COPS2: variants seen among roughly 807,000 people sequenced by gnomAD.
COPS2 encodes COP9 signalosome subunit 2, also known as COP9 signalosome complex subunit 2.
In COPS2, 10 loss-of-function variants were observed where a neutral mutation model predicts 66.1. That is an observed-to-expected ratio of 0.15 (90% CI 0.09 to 0.26). The LOEUF is 0.26. Among genes scored for constraint, COPS2 ranks in the 10% least tolerant of loss-of-function variants. The probability of loss-of-function intolerance (pLI) is 1.00; values close to 1 mark genes in which losing one functional copy is unlikely to be tolerated. For synonymous variants in COPS2, 179 were observed against 171.3 expected, an observed-to-expected ratio of 1.04 and a Z score of -0.35; for missense variants, 215 against 513.3, an observed-to-expected ratio of 0.42 and a Z score of 5.62.
At chr15:49,152,724 G>A (rs2084371425) in intron 1 of COPS2, among the ~76,000 whole-genome samples, 3 of 152,112 alleles carry the variant, frequency 2.0e-5, no homozygotes, top group Non-Finnish European at 4.4e-5. Context: ...TAAGGAGGCT[G>A]AGGCAGGAGA....
rs1276890936 is a variant in COPS2 at position 49,123,835 on chromosome 15, C to A, written c.*4115G>T. 6.6e-6 allele frequency: 1 copy of A among 152,108 alleles called. No individual in the cohort carries two copies. Among genetic ancestry groups the A allele is most frequent in the African/African-American group, 2.4e-5 (1 of 41,410 alleles). The allele number at this position is 152,108 out of a possible 1,614,324, so 9.4% of individuals were successfully genotyped here. On this transcript the variant is annotated 3_prime_UTR_variant, in exon 13 of 13. Coordinates refer to ENST00000388901, the MANE Select transcript of COPS2 (RefSeq NM_004236.4). ...CACACTGGTTTCTTCTGAGACATTA[C>A]CTAAGACGAATCTCCTTAAAATTCA... is the stretch of plus-strand genomic sequence containing the variant.
chr15:49,143,684 A>G (rs181844338), intron 3 of COPS2, among the ~76,000 whole-genome samples: 1 of 152,344 alleles, frequency 6.6e-6, no homozygotes, highest in African/African-American at 2.4e-5. Flanking sequence ...GGAAAAGTCA[A>G]TCTATTAATA....
At position 49,139,508 on chromosome 15, in the gene COPS2, AG is replaced by A; in HGVS notation, c.372+19del. The A allele has an allele frequency of 6.4e-7, 1 of 1,572,056 alleles. No homozygotes were observed. Among genetic ancestry groups the A allele is most frequent in the Non-Finnish European group, 8.7e-7 (1 of 1,145,592 alleles). On this transcript the variant is annotated intron_variant, in intron 4 of 12. Coordinates refer to ENST00000388901, the MANE Select transcript of COPS2 (RefSeq NM_004236.4). Reference sequence around the variant, plus strand: ...TAATAAACACACTGATCGTCCCAAGAGGGGAAAATTGAGTCTAACCTGTTTA... The same window carrying A: ...TAATAAACACACTGATCGTCCCAAGAGGGAAAATTGAGTCTAACCTGTTTA...
intron 9 of COPS2, 127 bp downstream of exon 9, chr15:49,133,632 C>T (rs190236502): frequency 5.2e-5 from 32 of 621,116 alleles, no homozygotes; most frequent in Middle Eastern, 4.6e-4. Flanking sequence ...AAAAATTCTA[C>T]AAACTTTTCT....
chr15:49,125,644 TAA>T lies in COPS2; in HGVS notation c.*2304_*2305del, dbSNP rs1246346741. The T allele has an allele frequency of 6.6e-6, 1 of 152,148 alleles. No homozygotes were observed. Among genetic ancestry groups the T allele is most frequent in the Non-Finnish European group, 1.5e-5 (1 of 67,964 alleles). The allele number at this position is 152,148 out of a possible 1,614,324, so 9.4% of individuals were successfully genotyped here. ...GTTTTAAGGGAAGAATAAATTATTT[TAA>T]GTTAGTCAGACTGTTAAGATATATT... On this transcript the variant is annotated 3_prime_UTR_variant, in exon 13 of 13. Coordinates refer to ENST00000388901, the MANE Select transcript of COPS2 (RefSeq NM_004236.4).
chr15:49,137,602 C>G (rs1311613306), intron 4 of COPS2, 165 bp from the exon 5 acceptor site: 7 of 569,012 alleles, frequency 1.2e-5, no homozygotes, highest in Non-Finnish European at 3.1e-6. Flanking sequence ...CAAACTGAAG[C>G]AAAATACAGA....
At chr15:49,145,231 A>G (rs767219862) in intron 1 of COPS2, among the ~76,000 whole-genome samples, 153 bp from the exon 2 acceptor site, 2 of 152,242 alleles carry the variant, frequency 1.3e-5, no homozygotes, top group African/African-American at 2.4e-5. Context: ...CTGATATTCA[A>G]CTGTTATATA....
rs778626729 is a variant in COPS2, at chr15:49,133,770, C to T, written c.936G>A (p.Thr312=). ...YKNDPEILAM[T]NLVSAYQNND... is the part of the protein sequence containing the mutation. ...ATACAAAATCTTACCTTACTAAATTCGTCATTGCTAAAATTTCTGGATCAT... is the reference window on the plus strand; with the variant it reads ...ATACAAAATCTTACCTTACTAAATTTGTCATTGCTAAAATTTCTGGATCAT... The change falls in exon 9 of 13, where the codon ACG becomes ACA. Residue 312 remains threonine (T), a synonymous_variant. Transcript: ENST00000388901. The T allele has an allele frequency of 4.4e-6, 7 of 1,600,584 alleles. No individual in the cohort carries two copies. Among genetic ancestry groups the T allele is most frequent in the East Asian group, 4.5e-5 (2 of 44,618 alleles).
intron 3 of COPS2, among the ~76,000 whole-genome samples, chr15:49,141,318 G>A (rs1211160223): frequency 6.6e-6 from 1 of 152,056 alleles, no homozygotes; most frequent in Non-Finnish European, 1.5e-5. Context: ...GCAACATGGT[G>A]AAACCCCGTC....
intron 2 of COPS2, 64 bp from the exon 3 acceptor site, chr15:49,144,368 A>T (rs2084307868): frequency 1.1e-6 from 1 of 901,434 alleles, no homozygotes. Context: ...AATGATGCCC[A>T]ATGTGTAAGT....
intron 6 of COPS2, among the ~76,000 whole-genome samples, chr15:49,135,081 G>A (rs774897961): frequency 6.6e-6 from 1 of 152,036 alleles, no homozygotes; most frequent in African/African-American, 2.4e-5. Flanking sequence ...TCATAAAATA[G>A]AACACATAAC....
At position 49,126,359 on chromosome 15, in the gene COPS2, A is replaced by C. The variant is rs895978610; in HGVS notation, c.*1591T>G. The stretch of plus-strand genomic sequence containing the variant: ...TTTTTAGTATAAATATATATCACAT[A>C]TTTTCGTAAAATTTTGACAAAACCG... On this transcript the variant is annotated 3_prime_UTR_variant, in exon 13 of 13. Coordinates refer to ENST00000388901, the MANE Select transcript of COPS2 (RefSeq NM_004236.4). The C allele has an allele frequency of 6.6e-6, 1 of 152,324 alleles. No homozygotes were observed. Among genetic ancestry groups the C allele is most frequent in the Non-Finnish European group, 1.5e-5 (1 of 67,892 alleles). 9.4% of individuals were successfully genotyped at this position (152,324 alleles called of 1,614,324 possible). A position where few individuals can be genotyped will look rare whatever the true frequency, so the allele number is the denominator to read the frequency against.
intron 1 of COPS2, among the ~76,000 whole-genome samples, chr15:49,148,451 G>A (rs1184375874): frequency 6.6e-6 from 1 of 152,150 alleles, no homozygotes; most frequent in African/African-American, 2.4e-5. Context: ...CAATGAGGAA[G>A]GGCAGCTGAA....
In COPS2 at chr15:49,125,062, G is replaced by C. The variant is rs2084154892; in HGVS notation, c.*2888C>G. 6.6e-6 allele frequency: 1 copy of C among 152,060 alleles called. No individual in the cohort carries two copies. Among genetic ancestry groups the C allele is most frequent in the Non-Finnish European group, 1.5e-5 (1 of 67,984 alleles). The allele number at this position is 152,060 out of a possible 1,614,324, so 9.4% of individuals were successfully genotyped here. On this transcript the variant is annotated 3_prime_UTR_variant, in exon 13 of 13. Coordinates refer to ENST00000388901, the MANE Select transcript of COPS2 (RefSeq NM_004236.4). ...TGGATATTTTAAATATTAAGAATAA[G>C]AGTTTTTCAGTCTAAGACAAACCTA...
chr15:49,132,937 C>T (rs186706499), intron 9 of COPS2, among the ~76,000 whole-genome samples: 71 of 151,878 alleles, frequency 4.7e-4, no homozygotes, highest in African/African-American at 1.7e-3. Context: ...CTTACCAGTA[C>T]GACCCTTCTG....
Position 49,127,277 on chromosome 15 carries a change from T to C in COPS2, c.*673A>G, listed in dbSNP as rs1233196607. 1 of 152,560 alleles carries C rather than the reference T, an allele frequency of 6.6e-6. No homozygotes were observed. The highest frequency in any genetic ancestry group is 1.5e-5 in the Non-Finnish European group (1 of 68,018). The allele number at this position is 152,560 out of a possible 1,614,324, so 9.5% of individuals were successfully genotyped here. A position where few individuals can be genotyped will look rare whatever the true frequency, so the allele number is the denominator to read the frequency against. ...AATCATTAACTGAAGATAAAATAAT[T>C]TGAAATTTCGAAGGTACTAAAAAAC... On this transcript the variant is annotated 3_prime_UTR_variant, in exon 13 of 13. Transcript: ENST00000388901.
At chr15:49,155,444 G>C (rs924836054) in intron 1 of COPS2, 81 bp downstream of exon 1, 49 of 1,321,458 alleles carry the variant, frequency 3.7e-5, no homozygotes, top group East Asian at 6.9e-5. Flanking sequence ...TGCTCTACGG[G>C]GAGAGGCCGC....
At chr15:49,129,453 A>C in intron 11 of COPS2, 24 bp downstream of exon 11, 1 of 1,025,726 alleles carries the variant, frequency 9.7e-7, no homozygotes, top group Non-Finnish European at 1.4e-6. Context: ...TATAAACATC[A>C]TTAAAATCTA....
chr15:49,128,149 C>A, intron 12 of COPS2, 55 bp from the exon 13 acceptor site: 2 of 1,548,796 alleles, frequency 1.3e-6, no homozygotes, highest in Non-Finnish European at 1.8e-6. Context: ...AGCACAGTTT[C>A]TGGATTAATG....
Sources: gnomAD v4.1 joint callset for allele counts (sites outside exome capture counted in the v4.1 genomes callset) on GRCh38, gnomAD v4.1.1 for gene constraint, MANE v1.5 for transcripts, NCBI Gene and HGNC (gene_info 2026-07-23, HGNC 2026-07-21) for gene names.